The following TCF25 variants were observed in gnomAD, a reference collection of about 807,000 sequenced individuals.
TCF25 encodes ribosome quality control complex subunit TCF25.
Under a neutral mutation model 83.1 loss-of-function variants are expected in TCF25, and 41 were observed. The ratio of observed to expected loss-of-function variants is 0.49; its 90% confidence interval spans 0.38 to 0.64. The LOEUF (loss-of-function observed/expected upper bound fraction) is 0.64, where lower values mean the gene tolerates loss of function less well. Among genes scored for constraint, TCF25 ranks in the 30% least tolerant of loss-of-function variants. The pLI, the probability that TCF25 is intolerant of heterozygous loss-of-function variation, is 0.00. For synonymous variants in TCF25, 458 were observed against 365.0 expected (o/e 1.25, Z -2.90); for missense variants, 979 against 914.5 (o/e 1.07, Z -0.91).
intron 1 of TCF25, among the ~76,000 whole-genome samples, chr16:89,883,081 A>G (rs1158894297): frequency 6.6e-6 from 1 of 152,082 alleles, no homozygotes; most frequent in Non-Finnish European, 1.5e-5. Context: ...ATATTTGAGG[A>G]GTCTTCCTTA....
chr16:89,891,254 G>C (rs918841439), intron 5 of TCF25, among the ~76,000 whole-genome samples: 1 of 152,202 alleles, frequency 6.6e-6, no homozygotes, highest in African/African-American at 2.4e-5. Flanking sequence ...GGCCATCCCT[G>C]GGATTCTGTA....
rs1597398232 is a variant in TCF25, at chr16:89,909,322, C to T, written c.1800-1269C>T. The T allele has an allele frequency of 1.0e-5, 4 of 397,144 alleles. No homozygotes were observed. In the East Asian group the frequency reaches 3.0e-4, roughly 30 times the overall value. 24.6% of individuals were successfully genotyped at this position (397,144 alleles called of 1,614,324 possible). On this transcript the variant is annotated intron_variant, in intron 16 of 17. Transcript: ENST00000263346. ...GTCAAGAGATTGAGACCAGCCTGGCCAACGTGCTGAAAACCCGTCTCTACT... is the reference window on the plus strand; with the variant it reads ...GTCAAGAGATTGAGACCAGCCTGGCTAACGTGCTGAAAACCCGTCTCTACT...
chr16:89,899,978 C>T (rs970218196), intron 11 of TCF25, among the ~76,000 whole-genome samples: 1 of 152,138 alleles, frequency 6.6e-6, no homozygotes, highest in Non-Finnish European at 1.5e-5. Flanking sequence ...GCCAGGAAGT[C>T]TCACCCCCAG....
chr16:89,903,262 G>A (rs1305541402), intron 12 of TCF25, among the ~76,000 whole-genome samples: 2 of 152,238 alleles, frequency 1.3e-5, no homozygotes, highest in Admixed American at 6.5e-5. Context: ...CTGCCCTCGG[G>A]GCCCGTTCCC....
At chr16:89,878,242 C>T (rs771530678) in intron 1 of TCF25, among the ~76,000 whole-genome samples, 8 of 151,448 alleles carry the variant, frequency 5.3e-5, no homozygotes, top group African/African-American at 9.7e-5. Flanking sequence ...ATGACGCCAC[C>T]GTACTCCAGC....
chr16:89,874,845 C>G (rs1301917213), intron 1 of TCF25: 1 of 151,708 alleles, frequency 6.6e-6, no homozygotes, highest in Non-Finnish European at 1.5e-5. Context: ...AACTTCTGCG[C>G]TCAAACAATC....
At chr16:89,907,501 C>G (rs1172502138) in intron 16 of TCF25, among the ~76,000 whole-genome samples, 179 bp downstream of exon 16, 16 of 73,726 alleles carry the variant, frequency 2.2e-4, no homozygotes, top group East Asian at 6.0e-4. Flanking sequence ...CCACCTCCCT[C>G]CTCCCACCTC....
At chr16:89,900,952 AAG>A in intron 12 of TCF25, 158 bp downstream of exon 12, 1 of 870,826 alleles carries the variant, frequency 1.1e-6, no homozygotes, top group East Asian at 2.8e-5. Context: ...CCAAACCTGA[AAG>A]AGGGTCGGCT....
chr16:89,888,374 G>A (rs2043172204), intron 5 of TCF25, among the ~76,000 whole-genome samples: 1 of 151,884 alleles, frequency 6.6e-6, no homozygotes, highest in South Asian at 2.1e-4. Flanking sequence ...GATCACCTGA[G>A]TTCACGAGTT....
intron 5 of TCF25, chr16:89,890,312 A>C (rs545843902): frequency 6.6e-6 from 1 of 152,386 alleles, no homozygotes; most frequent in South Asian, 2.1e-4. Flanking sequence ...GTCTGCAGGC[A>C]TTTCTGTGAA....
In TCF25 at chr16:89,884,628, A is replaced by G. The variant is rs775838424; in HGVS notation, c.401A>G (p.Asn134Ser). 5 of 1,613,502 alleles carry G rather than the reference A, an allele frequency of 3.1e-6. No individual in the cohort carries two copies. Among genetic ancestry groups the G allele is most frequent in the African/African-American group, 2.7e-5 (2 of 74,958 alleles). ...KLRKKKKKQKNKKSSTGEASE... is the reference protein window; with the variant it reads ...KLRKKKKKQKSKKSSTGEASE... ...CGGAAGAAGAAAAAAAAACAGAAAA[A>G]CAAGAAAAGCAGCACGGGAGAAGCA... The change falls in exon 3 of 18, where the codon AAC becomes AGC. Residue 134 changes from asparagine (N) to serine (S), a missense_variant. Physicochemically the swap from Asn to Ser is conservative, Grantham distance 46. Coordinates refer to ENST00000263346, the MANE Select transcript of TCF25 (RefSeq NM_014972.3).
At chr16:89,898,905 G>T in intron 11 of TCF25, 33 bp downstream of exon 11, 1 of 1,590,742 alleles carries the variant, frequency 6.3e-7, no homozygotes, top group South Asian at 1.1e-5. Flanking sequence ...CCCGTGGAGG[G>T]ACGGACACCT....
chr16:89,893,762 C>A lies in TCF25; in HGVS notation c.732C>A (p.Gly244=). 1 of 1,613,994 alleles carries A rather than the reference C, an allele frequency of 6.2e-7. No individual in the cohort carries two copies. The highest frequency in any genetic ancestry group is 8.5e-7 in the Non-Finnish European group (1 of 1,179,972). ...LSMRLLESKK[G]LSFFAFEHSE... ...TGCGGCTGCTGGAATCAAAAAAAGG[C>A]CTCTCCTTCTTTGCGTTTGAGCACA... is the stretch of plus-strand genomic sequence containing the variant. Residue 244 remains glycine, a synonymous_variant, in exon 7 of 18, where the codon GGC becomes GGA. Transcript: ENST00000263346.
At chr16:89,904,472 A>C in intron 13 of TCF25, 1 of 543,010 alleles carries the variant, frequency 1.8e-6, no homozygotes, top group Non-Finnish European at 3.3e-6. Context: ...ACATGCCTGT[A>C]ATCTCAGCTT....
chr16:89,910,841 C>T (rs927414491), intron 17 of TCF25, among the ~76,000 whole-genome samples, 178 bp downstream of exon 17: 3 of 152,248 alleles, frequency 2.0e-5, no homozygotes, highest in Non-Finnish European at 4.4e-5. Context: ...CTGGGGCCTG[C>T]CCAGATGGTA....
At chr16:89,887,818 G>A in intron 5 of TCF25, 101 bp downstream of exon 5, 3 of 1,167,734 alleles carry the variant, frequency 2.6e-6, no homozygotes, top group Non-Finnish European at 3.6e-6. Context: ...TTGAGGGAGA[G>A]TATTTAAAGC....
In TCF25 at chr16:89,898,666, G is replaced by C; in HGVS notation, c.1115+17G>C. On this transcript the variant is annotated intron_variant, in intron 10 of 17. Transcript: ENST00000263346. ...CATCCTGAGGTGAGTGTCTGCTCAG[G>C]GCCAAGCCCGTCCACGCTCCCTGTC... 2 of 1,612,416 alleles carry C rather than the reference G, an allele frequency of 1.2e-6. No homozygotes were observed. Among genetic ancestry groups the C allele is most frequent in the Non-Finnish European group, 1.7e-6 (2 of 1,179,804 alleles).
At chr16:89,896,182 G>T (rs1234957052) in intron 9 of TCF25, 99 bp downstream of exon 9, 1 of 1,086,106 alleles carries the variant, frequency 9.2e-7, no homozygotes, top group Non-Finnish European at 1.3e-6. Flanking sequence ...TGCCCTCCAG[G>T]GTGGACCAGG....
intron 3 of TCF25, among the ~76,000 whole-genome samples, chr16:89,884,915 C>T (rs1261933931): frequency 2.3e-5 from 2 of 86,882 alleles, no homozygotes; most frequent in African/African-American, 1.2e-4. Flanking sequence ...TCTCCCTCTG[C>T]CTGACGCCCT....
Sources: allele counts gnomAD v4.1 joint callset (sites outside exome capture counted in the v4.1 genomes callset), GRCh38; gene constraint gnomAD v4.1.1; transcripts MANE v1.5; gene names NCBI Gene and HGNC (gene_info 2026-07-23, HGNC 2026-07-21).